Variants in SMARCC1 observed in about 807,000 individuals in gnomAD.
The protein encoded by SMARCC1 is SWI/SNF related BAF chromatin remodeling complex subunit C1.
In SMARCC1, 43 loss-of-function variants were observed where a neutral mutation model predicts 147.4. That is an observed-to-expected ratio of 0.29 (90% CI 0.23 to 0.38). The LOEUF is 0.38. Among genes scored for constraint, SMARCC1 ranks in the 10% least tolerant of loss-of-function variants. The pLI, the probability that SMARCC1 is intolerant of heterozygous loss-of-function variation, is 1.00. For missense variants in SMARCC1, 1,119 were observed against 1,381.1 expected, an observed-to-expected ratio of 0.81 and a Z score of 3.01; for synonymous variants, 495 against 484.4, an observed-to-expected ratio of 1.02 and a Z score of -0.29.
Position 47,635,174 on chromosome 3 carries a change from G to A in SMARCC1, c.2646+16C>T, listed in dbSNP as rs775931079. The A allele has an allele frequency of 6.2e-7, 1 of 1,611,092 alleles. No individual in the cohort carries two copies. Among genetic ancestry groups the A allele is most frequent in the Non-Finnish European group, 8.5e-7 (1 of 1,178,152 alleles). ...TGCCTTAAGAGAGCACTGGAAAAGGGCTGTCAGGGGCAAACCTTGGCTTTG... is the reference window on the plus strand; with the variant it reads ...TGCCTTAAGAGAGCACTGGAAAAGGACTGTCAGGGGCAAACCTTGGCTTTG... On this transcript the variant is annotated intron_variant, in intron 24 of 27. Coordinates refer to ENST00000254480, the MANE Select transcript of SMARCC1 (RefSeq NM_003074.4).
intron 21 of SMARCC1, among the ~76,000 whole-genome samples, chr3:47,658,238 T>C (rs150516336): frequency 0.013 from 1,924 of 152,290 alleles, 21 homozygotes; most frequent in Middle Eastern, 0.027. Context: ...AAAAATAGCT[T>C]TGAGATATAA....
intron 9 of SMARCC1, among the ~76,000 whole-genome samples, chr3:47,708,748 T>A (rs1005362220): frequency 6.6e-5 from 10 of 152,278 alleles, no homozygotes; most frequent in Admixed American, 6.5e-4. Context: ...CAACTGCAAG[T>A]AAAAAGGTAT....
intron 2 of SMARCC1, among the ~76,000 whole-genome samples, chr3:47,766,049 G>A (rs1257311654): frequency 6.6e-6 from 1 of 151,928 alleles, no homozygotes; most frequent in African/African-American, 2.4e-5. Context: ...ATTTTTTTAA[G>A]TGCAATGACA....
At chr3:47,642,864 T>C (rs1471285934) in intron 21 of SMARCC1, among the ~76,000 whole-genome samples, 2 of 151,988 alleles carry the variant, frequency 1.3e-5, no homozygotes, top group Non-Finnish European at 2.9e-5. Flanking sequence ...TAGGCAACAT[T>C]GTCAGACTCT....
intron 11 of SMARCC1, among the ~76,000 whole-genome samples, chr3:47,693,578 T>C (rs2106777999): frequency 6.6e-6 from 1 of 152,364 alleles, no homozygotes; most frequent in Non-Finnish European, 1.5e-5. Flanking sequence ...ACAAAAGTTT[T>C]TTTTATTAAA....
intron 25 of SMARCC1, chr3:47,610,542 C>T (rs2032550298): frequency 1.7e-6 from 1 of 587,700 alleles, no homozygotes; most frequent in Non-Finnish European, 3.0e-6. Context: ...AAAGTCTTCT[C>T]CATGTTGAGT....
intron 3 of SMARCC1, among the ~76,000 whole-genome samples, chr3:47,743,369 C>T (rs555994213): frequency 6.6e-6 from 1 of 152,194 alleles, no homozygotes; most frequent in Non-Finnish European, 1.5e-5. Flanking sequence ...CCTGACAATG[C>T]TAACCCTATC....
intron 1 of SMARCC1, among the ~76,000 whole-genome samples, chr3:47,774,829 A>G (rs764253625): frequency 6.5e-4 from 99 of 151,426 alleles, no homozygotes; most frequent in Non-Finnish European, 1.4e-3. Flanking sequence ...TTTTCAAGAC[A>G]GTGGTTTCTT....
At chr3:47,588,607 T>C (rs1322201136) in intron 27 of SMARCC1, among the ~76,000 whole-genome samples, 1 of 152,110 alleles carries the variant, frequency 6.6e-6, no homozygotes, top group Non-Finnish European at 1.5e-5. Context: ...CAGAAGTTAA[T>C]TTTGATTGCA....
At chr3:47,608,185 TCAAGCAATACC>T (rs1272261644) in intron 26 of SMARCC1, among the ~76,000 whole-genome samples, 1 of 152,112 alleles carries the variant, frequency 6.6e-6, no homozygotes, top group Non-Finnish European at 1.5e-5. Context: ...CCTCCTAGGT[TCAAGCAATACC>T]CATGCCTCAG....
intron 24 of SMARCC1, among the ~76,000 whole-genome samples, chr3:47,626,458 T>TA (rs67479695): frequency 0.032 from 3,783 of 117,724 alleles, 74 homozygotes; most frequent in Middle Eastern, 0.045. Context: ...ACCCTGTCTT[T>TA]AAAAAAAAAA....
At chr3:47,718,710 T>TA in intron 7 of SMARCC1, among the ~76,000 whole-genome samples, 1 of 150,598 alleles carries the variant, frequency 6.6e-6, no homozygotes, top group Admixed American at 6.6e-5. Context: ...AAAAATAAAA[T>TA]AAAAAAATAA....
At chr3:47,663,471 T>C (rs2033378561) in intron 19 of SMARCC1, among the ~76,000 whole-genome samples, 1 of 152,018 alleles carries the variant, frequency 6.6e-6, no homozygotes, top group Non-Finnish European at 1.5e-5. Flanking sequence ...AAAAGCTGGG[T>C]GTAGTGGCAC....
chr3:47,773,640 T>C (rs1419953453), intron 1 of SMARCC1, among the ~76,000 whole-genome samples: 1 of 150,926 alleles, frequency 6.6e-6, no homozygotes. Context: ...ATTTTTTTTC[T>C]TTTTTTTTGA....
chr3:47,682,069 C>G (rs998851595), intron 14 of SMARCC1, among the ~76,000 whole-genome samples: 1 of 151,772 alleles, frequency 6.6e-6, no homozygotes, highest in Non-Finnish European at 1.5e-5. Flanking sequence ...TTCACACACA[C>G]ACTTTTTTTT....
rs150940179 is a variant in SMARCC1, at chr3:47,698,819, A to G, written c.1165+2459T>C. 4.3e-3 allele frequency among the ~76,000 whole-genome samples: 649 copies of G among 152,244 alleles called. 4 individuals carry two copies. The highest frequency in any genetic ancestry group is 0.015 in the African/African-American group (612 of 41,578). On this transcript the variant is annotated intron_variant, in intron 11 of 27. Coordinates refer to ENST00000254480, the MANE Select transcript of SMARCC1 (RefSeq NM_003074.4). ...ATACTTACTAAAAAAAAAAACTATAATAACTCAGGCCCTGTGGTATTAAGT... is the reference window on the plus strand; with the variant it reads ...ATACTTACTAAAAAAAAAAACTATAGTAACTCAGGCCCTGTGGTATTAAGT...
chr3:47,725,666 G>A lies in SMARCC1; in HGVS notation c.646+3359C>T, dbSNP rs1378140502. On this transcript the variant is annotated intron_variant, in intron 6 of 27. Transcript: ENST00000254480. ...GGGGTTTCACCATGTTGGCAAGGCT[G>A]GTCTCAAAATCCTGGCCTCAGGTGA... Among the ~76,000 whole-genome samples the A allele has an allele frequency of 2.6e-5, 4 of 151,814 alleles. No homozygotes were observed. In the East Asian group the frequency reaches 7.8e-4, roughly 30 times the overall value.
chr3:47,745,450 C>T (rs551387931), intron 3 of SMARCC1, among the ~76,000 whole-genome samples: 13 of 151,992 alleles, frequency 8.6e-5, no homozygotes, highest in Non-Finnish European at 1.8e-4. Context: ...CGGTGGCTCA[C>T]GCCTGTAATC....
chr3:47,723,408 T>G (rs2034259653), intron 6 of SMARCC1, among the ~76,000 whole-genome samples: 1 of 133,710 alleles, frequency 7.5e-6, no homozygotes, highest in Non-Finnish European at 1.5e-5. Flanking sequence ...TTGCCCAGGC[T>G]GGAGTGCAGT....
Sources: allele counts gnomAD v4.1 joint callset (sites outside exome capture counted in the v4.1 genomes callset), GRCh38; gene constraint gnomAD v4.1.1; transcripts MANE v1.5; gene names NCBI Gene and HGNC (gene_info 2026-07-23, HGNC 2026-07-21).